UBXN2A: variants seen among roughly 807,000 people sequenced by gnomAD.
UBXN2A encodes the protein UBX domain-containing protein 2A.
UBXN2A carries 28 observed loss-of-function variants against 28.4 expected under a neutral mutation model. The observed-to-expected ratio is 0.99, with a 90% CI of 0.73 to 1.35. The LOEUF (loss-of-function observed/expected upper bound fraction) is 1.35. Ranked by LOEUF, UBXN2A falls within the 40% of genes most tolerant of loss-of-function variation. The probability of loss-of-function intolerance (pLI) is 0.00; values close to 1 mark genes in which losing one functional copy is unlikely to be tolerated. For synonymous variants in UBXN2A, 97 were observed against 103.6 expected (o/e 0.94, Z 0.39); for missense variants, 253 against 297.9 (o/e 0.85, Z 1.11).
chr2:23,980,338 A>G (rs1347653936), intron 4 of UBXN2A, among the ~76,000 whole-genome samples: 3 of 152,150 alleles, frequency 2.0e-5, no homozygotes. Flanking sequence ...TAACTCTTAT[A>G]TTAACTTTAT....
At chr2:23,958,390 C>A in intron 2 of UBXN2A, 35 bp downstream of exon 2, 1 of 1,565,488 alleles carries the variant, frequency 6.4e-7, no homozygotes, top group Non-Finnish European at 8.7e-7. Flanking sequence ...TTTGTTAATG[C>A]CTTTGTTAAT....
intron 4 of UBXN2A, among the ~76,000 whole-genome samples, chr2:23,982,187 A>G (rs1439037617): frequency 6.7e-6 from 1 of 149,996 alleles, no homozygotes; most frequent in Non-Finnish European, 1.5e-5. Flanking sequence ...ATGAAACTCC[A>G]TCTCTACTAA....
chr2:23,986,252 G>A (rs911094512), intron 6 of UBXN2A, among the ~76,000 whole-genome samples: 3 of 152,034 alleles, frequency 2.0e-5, no homozygotes, highest in Non-Finnish European at 4.4e-5. Flanking sequence ...GGAGCTTGCA[G>A]TGAGCCGAGA....
At position 24,002,392 on chromosome 2, in the gene UBXN2A, A is replaced by T. The variant is rs1708739728; in HGVS notation, c.*2525A>T. 6.6e-6 allele frequency: 1 copy of T among 151,974 alleles called. No homozygotes were observed. The highest frequency in any genetic ancestry group is 2.1e-4 in the South Asian group (1 of 4,810). The allele number at this position is 151,974 out of a possible 1,614,324, so 9.4% of individuals were successfully genotyped here. On this transcript the variant is annotated 3_prime_UTR_variant, in exon 7 of 7. Coordinates refer to ENST00000309033, the MANE Select transcript of UBXN2A (RefSeq NM_181713.4). Reference sequence around the variant, plus strand: ...TGCACTCTAGCTTAGGCAACAGAGTAAGACCCTGCCGTAATAATAATAACT... The same window carrying T: ...TGCACTCTAGCTTAGGCAACAGAGTTAGACCCTGCCGTAATAATAATAACT...
Position 24,004,653 on chromosome 2 carries a change from C to T in UBXN2A, c.*4786C>T, listed in dbSNP as rs1432374727. 1 of 150,826 alleles carries T rather than the reference C, an allele frequency of 6.6e-6. No individual in the cohort carries two copies. The highest frequency in any genetic ancestry group is 6.6e-5 in the Admixed American group (1 of 15,168). The allele number at this position is 150,826 out of a possible 1,614,324, so 9.3% of individuals were successfully genotyped here. Reference sequence around the variant, plus strand: ...TGGGCAACAGAGCGAGACTCCGTCTCAAAAAAAAGAAAAAAAGAAATACAT... The same window carrying T: ...TGGGCAACAGAGCGAGACTCCGTCTTAAAAAAAAGAAAAAAAGAAATACAT... On this transcript the variant is annotated 3_prime_UTR_variant, in exon 7 of 7. Transcript: ENST00000309033.
chr2:23,955,603 T>C (rs1242071879), intron 1 of UBXN2A, among the ~76,000 whole-genome samples: 2 of 152,226 alleles, frequency 1.3e-5, no homozygotes, highest in Non-Finnish European at 2.9e-5. Context: ...CCTGATGTTA[T>C]AGCCAACTAT....
chr2:23,951,413 G>GATATAT (rs57701448), intron 1 of UBXN2A, among the ~76,000 whole-genome samples: 236 of 109,658 alleles, frequency 2.2e-3, no homozygotes, highest in Non-Finnish European at 2.7e-3. Context: ...CAGTAAGATG[G>GATATAT]ATATATATAT....
At chr2:23,991,233 A>G (rs1708340387) in intron 6 of UBXN2A, among the ~76,000 whole-genome samples, 1 of 152,084 alleles carries the variant, frequency 6.6e-6, no homozygotes, top group South Asian at 2.1e-4. Context: ...TGCTTTATAT[A>G]TTTTAAAGTT....
At chr2:23,982,816 A>G in intron 4 of UBXN2A, 80 bp from the exon 5 acceptor site, 1 of 1,424,046 alleles carries the variant, frequency 7.0e-7, no homozygotes, top group South Asian at 1.5e-5. Flanking sequence ...CTACATATTC[A>G]TTTTTTGTAT....
chr2:23,963,478 A>G (rs1181123765), intron 2 of UBXN2A, among the ~76,000 whole-genome samples: 1 of 152,004 alleles, frequency 6.6e-6, no homozygotes, highest in East Asian at 1.9e-4. Context: ...TCTCAAAAAA[A>G]AAAAAAAAGA....
At chr2:23,959,261 G>A (rs181984212) in intron 2 of UBXN2A, among the ~76,000 whole-genome samples, 4 of 152,282 alleles carry the variant, frequency 2.6e-5, no homozygotes, top group African/African-American at 9.6e-5. Context: ...GGAGGCCGAG[G>A]TAGGCGGATC....
intron 1 of UBXN2A, 32 bp downstream of exon 1, chr2:23,940,680 G>T (rs530755952): frequency 6.6e-6 from 1 of 151,918 alleles, no homozygotes; most frequent in Non-Finnish European, 1.5e-5. Context: ...CGCGTCCGGC[G>T]GGGTGAGGGC....
chr2:23,990,435 G>A (rs1209081878), intron 6 of UBXN2A, among the ~76,000 whole-genome samples: 1 of 149,656 alleles, frequency 6.7e-6, no homozygotes, highest in Non-Finnish European at 1.5e-5. Context: ...CATAAAGGTA[G>A]ACTGAATAAT....
chr2:23,963,990 A>G (rs951244818), intron 2 of UBXN2A, among the ~76,000 whole-genome samples: 1 of 152,084 alleles, frequency 6.6e-6, no homozygotes, highest in African/African-American at 2.4e-5. Context: ...AAAACTAGCC[A>G]GCTTGGTGAC....
At chr2:23,943,953 G>A in intron 1 of UBXN2A, 3 of 439,384 alleles carry the variant, frequency 6.8e-6, no homozygotes, top group East Asian at 5.1e-5. Flanking sequence ...CATGGCCAAA[G>A]AAGAGATGGA....
chr2:23,966,121 A>G (rs1002332523), intron 2 of UBXN2A, among the ~76,000 whole-genome samples: 1 of 151,668 alleles, frequency 6.6e-6, no homozygotes, highest in African/African-American at 2.4e-5. Context: ...ACTGTACCTT[A>G]TATCTCTTAT....
chr2:23,973,951 A>G (rs995850210), intron 3 of UBXN2A, among the ~76,000 whole-genome samples: 2 of 149,624 alleles, frequency 1.3e-5, no homozygotes, highest in African/African-American at 2.5e-5. Context: ...ATATTTTCTA[A>G]TAATGAATGA....
At chr2:23,929,891 CTTTA>C (rs1000372286) in intron 1 of UBXN2A, among the ~76,000 whole-genome samples, 4 of 152,050 alleles carry the variant, frequency 2.6e-5, no homozygotes, top group African/African-American at 9.6e-5. Context: ...CAAATGTTAA[CTTTA>C]TTTATTTATT....
chr2:23,970,517 T>A (rs1707370491), intron 2 of UBXN2A, among the ~76,000 whole-genome samples: 1 of 151,974 alleles, frequency 6.6e-6, no homozygotes, highest in South Asian at 2.1e-4. Context: ...ATCCCCAACT[T>A]TTTTGGCACC....
Sources: gnomAD v4.1 joint callset for allele counts (sites outside exome capture counted in the v4.1 genomes callset) on GRCh38, gnomAD v4.1.1 for gene constraint, MANE v1.5 for transcripts, NCBI Gene and HGNC (gene_info 2026-07-23, HGNC 2026-07-21) for gene names.